The following CSMD1 variants were observed in gnomAD, a reference collection of about 807,000 sequenced individuals.
CSMD1 encodes the protein CUB and sushi domain-containing protein 1.
CSMD1 carries 213 observed loss-of-function variants against 417.5 expected under a neutral mutation model. The ratio of observed to expected loss-of-function variants is 0.51; its 90% CI spans 0.46 to 0.57. The LOEUF is 0.57. CSMD1 is among the 20% of genes least tolerant of loss of function. The pLI is 0.00. For synonymous variants in CSMD1, 2,862 were observed against 1,736.8 expected, an observed-to-expected ratio of 1.65 and a Z score of -16.11; for missense variants, 6,923 against 4,529.7, an observed-to-expected ratio of 1.53 and a Z score of -15.17.
intron 3 of CSMD1, among the ~76,000 whole-genome samples, chr8:4,036,398 A>G (rs1797620711): frequency 6.6e-6 from 1 of 152,188 alleles, no homozygotes; most frequent in Non-Finnish European, 1.5e-5. Flanking sequence ...GCAGTGTAGA[A>G]ATGTATTGAC....
At chr8:3,508,862 C>T (rs1443115881) in intron 10 of CSMD1, among the ~76,000 whole-genome samples, 5 of 152,100 alleles carry the variant, frequency 3.3e-5, no homozygotes, top group Non-Finnish European at 5.9e-5. Context: ...GAAACGGTGA[C>T]AAAAGTGACC....
chr8:4,712,854 G>C (rs899572655), intron 1 of CSMD1, among the ~76,000 whole-genome samples: 3 of 152,118 alleles, frequency 2.0e-5, no homozygotes, highest in African/African-American at 7.2e-5. Flanking sequence ...GTCTAATCTG[G>C]ATATATTTTA....
At chr8:3,914,098 G>C (rs1018295211) in intron 5 of CSMD1, among the ~76,000 whole-genome samples, 1 of 152,184 alleles carries the variant, frequency 6.6e-6, no homozygotes, top group Non-Finnish European at 1.5e-5. Flanking sequence ...AATTATGTAA[G>C]TGCCTTGTCT....
chr8:4,543,435 G>A (rs1797487302), intron 2 of CSMD1, among the ~76,000 whole-genome samples: 1 of 152,004 alleles, frequency 6.6e-6, no homozygotes, highest in Non-Finnish European at 1.5e-5. Flanking sequence ...TTAGCATTGT[G>A]CAGTTAAGTT....
At chr8:3,323,609 T>G (rs1806295239) in intron 23 of CSMD1, among the ~76,000 whole-genome samples, 3 of 152,222 alleles carry the variant, frequency 2.0e-5, no homozygotes, top group Admixed American at 2.0e-4. Context: ...TTATAGCATT[T>G]CAGTACTAAG....
chr8:3,445,588 A>C (rs1219917287), intron 12 of CSMD1, among the ~76,000 whole-genome samples: 9 of 152,202 alleles, frequency 5.9e-5, no homozygotes, highest in Non-Finnish European at 8.8e-5. Context: ...GAATCAGTGC[A>C]TCACAGACCA....
chr8:3,255,743 C>T (rs559626901), intron 26 of CSMD1, among the ~76,000 whole-genome samples: 14 of 152,092 alleles, frequency 9.2e-5, no homozygotes, highest in South Asian at 2.1e-4. Flanking sequence ...TGGGAGTGAC[C>T]GGATTTTCCA....
intron 2 of CSMD1, among the ~76,000 whole-genome samples, chr8:4,553,360 A>G (rs1797952649): frequency 6.6e-6 from 1 of 152,110 alleles, no homozygotes; most frequent in Non-Finnish European, 1.5e-5. Flanking sequence ...CCTGACAGGC[A>G]TTTATAAACA....
At chr8:3,823,411 T>C (rs753816643) in intron 5 of CSMD1, among the ~76,000 whole-genome samples, 2 of 152,186 alleles carry the variant, frequency 1.3e-5, no homozygotes, top group Non-Finnish European at 2.9e-5. Flanking sequence ...AGGCAAGGGA[T>C]GATATTTCTT....
At chr8:3,769,357 A>T (rs1467194402) in intron 5 of CSMD1, among the ~76,000 whole-genome samples, 1 of 151,990 alleles carries the variant, frequency 6.6e-6, no homozygotes, top group Non-Finnish European at 1.5e-5. Context: ...GTACCAAATT[A>T]GATAACAATA....
At chr8:3,898,921 C>G (rs1807543642) in intron 5 of CSMD1, among the ~76,000 whole-genome samples, 1 of 152,084 alleles carries the variant, frequency 6.6e-6, no homozygotes, top group African/African-American at 2.4e-5. Flanking sequence ...TGACTCTATT[C>G]AAGAACCTCT....
chr8:4,777,263 G>C (rs969288211), intron 1 of CSMD1, among the ~76,000 whole-genome samples: 2 of 152,210 alleles, frequency 1.3e-5, no homozygotes, highest in East Asian at 1.9e-4. Context: ...AGGCAAGGCA[G>C]TGCGAGAAAC....
chr8:4,212,798 T>C (rs1160799267), intron 3 of CSMD1, among the ~76,000 whole-genome samples: 4 of 145,606 alleles, frequency 2.7e-5, no homozygotes, highest in African/African-American at 5.2e-5. Context: ...AACAATCTCA[T>C]TGCTTTTACC....
intron 3 of CSMD1, among the ~76,000 whole-genome samples, chr8:4,235,371 G>C (rs376162466): frequency 7.5e-6 from 1 of 133,598 alleles, no homozygotes; most frequent in African/African-American, 2.6e-5. Flanking sequence ...TTTTTTTTTT[G>C]TTTGTTTGTT....
chr8:3,678,048 G>C (rs978459030), intron 7 of CSMD1, among the ~76,000 whole-genome samples: 1 of 152,138 alleles, frequency 6.6e-6, no homozygotes, highest in Non-Finnish European at 1.5e-5. Context: ...AAGACAGTGG[G>C]AGGGTGGTTC....
chr8:4,751,316 T>G (rs1370213854), intron 1 of CSMD1, among the ~76,000 whole-genome samples: 3 of 151,334 alleles, frequency 2.0e-5, no homozygotes, highest in Non-Finnish European at 4.4e-5. Context: ...ACCCAGGAAG[T>G]GGAGGTTGCA....
intron 2 of CSMD1, among the ~76,000 whole-genome samples, chr8:4,455,355 C>T (rs1173556939): frequency 6.6e-6 from 1 of 152,018 alleles, no homozygotes; most frequent in Non-Finnish European, 1.5e-5. Flanking sequence ...TAAGTGACAC[C>T]CAGAAGCTGG....
intron 22 of CSMD1, among the ~76,000 whole-genome samples, chr8:3,344,312 T>G (rs1807847821): frequency 6.6e-6 from 1 of 152,168 alleles, no homozygotes; most frequent in Non-Finnish European, 1.5e-5. Flanking sequence ...GAAACAGCAC[T>G]GACTTTCTAG....
At chr8:4,598,946 A>C (rs1303899714) in intron 2 of CSMD1, among the ~76,000 whole-genome samples, 2 of 152,188 alleles carry the variant, frequency 1.3e-5, no homozygotes, top group East Asian at 1.9e-4. Context: ...GTTGTTTCTA[A>C]ATCAAATGTT....
Sources: allele counts gnomAD v4.1 joint callset (sites outside exome capture counted in the v4.1 genomes callset), GRCh38; gene constraint gnomAD v4.1.1; transcripts MANE v1.5; gene names NCBI Gene and HGNC (gene_info 2026-07-23, HGNC 2026-07-21).